CYP11A1: variants seen among roughly 807,000 people sequenced by gnomAD.
CYP11A1 encodes cytochrome P450 family 11 subfamily A member 1.
In CYP11A1, 25 loss-of-function variants were observed where a neutral mutation model predicts 51.9. The observed-to-expected ratio is 0.48, with a 90% confidence interval of 0.35 to 0.67. CYP11A1 has a LOEUF of 0.67. CYP11A1 is among the 30% of genes least tolerant of loss of function. The probability of loss-of-function intolerance (pLI) is 0.00; values close to 1 mark genes in which losing one functional copy is unlikely to be tolerated. For synonymous variants in CYP11A1, 245 were observed against 262.1 expected (o/e 0.93, Z 0.63); for missense variants, 578 against 680.9 (o/e 0.85, Z 1.68).
At chr15:74,366,024 C>T (rs1160498449) in intron 1 of CYP11A1, 1 of 985,966 alleles carries the variant, frequency 1.0e-6, no homozygotes, top group Non-Finnish European at 1.2e-6. Context: ...GCCTGGACCT[C>T]GCCCTGAGGT....
Position 74,348,167 on chromosome 15 carries a change from G to T in CYP11A1, c.270-112C>A, listed in dbSNP as rs924715678. On this transcript the variant is annotated intron_variant, in intron 1 of 8. Coordinates refer to ENST00000268053, the MANE Select transcript of CYP11A1 (RefSeq NM_000781.3). The stretch of plus-strand genomic sequence containing the variant: ...ACTTGCTGACTGTGGGACCTGAGTC[G>T]AGGCCCTTAACCCCTCTGAGTCTCA... 3.2e-6 allele frequency: 4 copies of T among 1,261,082 alleles called. No individual in the cohort carries two copies. In the East Asian group the frequency reaches 7.6e-5, roughly 24 times the overall value. The allele number at this position is 1,261,082 out of a possible 1,614,324, so 78.1% of individuals were successfully genotyped here.
intron 1 of CYP11A1, among the ~76,000 whole-genome samples, chr15:74,357,988 C>T (rs139014959): frequency 0.022 from 3,341 of 152,310 alleles, 89 homozygotes; most frequent in African/African-American, 0.066. Context: ...ATGAATTACA[C>T]GTCAATATTT....
At chr15:74,347,179 C>T (rs374042999) in intron 2 of CYP11A1, among the ~76,000 whole-genome samples, 10 of 151,868 alleles carry the variant, frequency 6.6e-5, no homozygotes, top group African/African-American at 1.9e-4. Context: ...AAGGCTGAAG[C>T]GGGAAGATTG....
At chr15:74,344,914 G>T (rs2141235065) in intron 3 of CYP11A1, 130 bp downstream of exon 3, 1 of 893,350 alleles carries the variant, frequency 1.1e-6, no homozygotes, top group Non-Finnish European at 1.8e-6. Flanking sequence ...TGGAGGACAT[G>T]ATCAGCGGCT....
intron 5 of CYP11A1, among the ~76,000 whole-genome samples, 160 bp downstream of exon 5, chr15:74,342,817 T>G (rs1471029493): frequency 1.3e-5 from 2 of 152,148 alleles, no homozygotes; most frequent in Non-Finnish European, 2.9e-5. Flanking sequence ...CCCCACCATC[T>G]TAGGAGATTA....
intron 5 of CYP11A1, among the ~76,000 whole-genome samples, chr15:74,342,454 G>A (rs2060611490): frequency 6.6e-6 from 1 of 152,184 alleles, no homozygotes; most frequent in Non-Finnish European, 1.5e-5. Flanking sequence ...GAGCACTGGG[G>A]ATGCCTCTGG....
At chr15:74,357,714 A>T (rs1596166146) in intron 1 of CYP11A1, among the ~76,000 whole-genome samples, 2 of 152,300 alleles carry the variant, frequency 1.3e-5, no homozygotes, top group Non-Finnish European at 2.9e-5. Flanking sequence ...AAGAGCCAGG[A>T]CCGCGCCCGG....
intron 1 of CYP11A1, chr15:74,366,144 A>T (rs2060731978): frequency 1.0e-6 from 1 of 985,380 alleles, no homozygotes; most frequent in South Asian, 4.7e-5. Flanking sequence ...GCTAGGGCGG[A>T]CCCAATTTCG....
chr15:74,366,042 G>C, intron 1 of CYP11A1: 1 of 985,824 alleles, frequency 1.0e-6, no homozygotes, highest in Non-Finnish European at 1.2e-6. Context: ...GGTAAACGCG[G>C]GTCGACCCGG....
intron 1 of CYP11A1, among the ~76,000 whole-genome samples, chr15:74,355,674 C>T (rs909026734): frequency 1.3e-5 from 2 of 152,202 alleles, no homozygotes; most frequent in Non-Finnish European, 2.9e-5. Context: ...GTCCAGCTTA[C>T]AGTTTCGTTC....
intron 1 of CYP11A1, among the ~76,000 whole-genome samples, chr15:74,357,389 C>T (rs760832733): frequency 6.6e-5 from 10 of 152,200 alleles, no homozygotes; most frequent in Admixed American, 1.3e-4. Context: ...CACACATGCT[C>T]TCCCTGCTGA....
intron 1 of CYP11A1, chr15:74,362,116 C>G (rs1206807101): frequency 1.1e-6 from 1 of 905,864 alleles, no homozygotes; most frequent in Non-Finnish European, 1.7e-6. Flanking sequence ...CCCTCCACCC[C>G]ATTTGCTCGC....
chr15:74,343,698 C>T, intron 4 of CYP11A1, 91 bp downstream of exon 4: 1 of 1,195,134 alleles, frequency 8.4e-7, no homozygotes, highest in Non-Finnish European at 1.2e-6. Flanking sequence ...TCCTACAGGT[C>T]AAGTCAGCGC....
At chr15:74,343,182 C>T (rs745816678) in intron 4 of CYP11A1, 45 bp from the exon 5 acceptor site, 43 of 1,607,564 alleles carry the variant, frequency 2.7e-5, no homozygotes, top group Admixed American at 1.8e-4. Context: ...TCCCTGCAGG[C>T]GGGTGGGAAG....
intron 1 of CYP11A1, chr15:74,361,592 C>T (rs1329969429): frequency 1.3e-5 from 13 of 1,023,678 alleles, no homozygotes; most frequent in Admixed American, 1.8e-5. Context: ...GCAGTCACGG[C>T]GAGCCCTTGG....
intron 1 of CYP11A1, chr15:74,362,185 A>C (rs2060711949): frequency 1.7e-6 from 1 of 580,558 alleles, no homozygotes; most frequent in Non-Finnish European, 3.1e-6. Context: ...GCTGGACTGC[A>C]GAGTTGAGTT....
chr15:74,343,725 G>T, intron 4 of CYP11A1, 64 bp downstream of exon 4: 2 of 1,438,298 alleles, frequency 1.4e-6, no homozygotes, highest in Non-Finnish European at 2.0e-6. Context: ...ACATAGCGTG[G>T]GACAAAGGAG....
Position 74,367,561 on chromosome 15 carries a change from G to T in CYP11A1, c.25C>A (p.Arg9Ser), listed in dbSNP as rs573648284. The T allele has an allele frequency of 3.7e-6, 6 of 1,614,076 alleles. No individual in the cohort carries two copies. The highest frequency in any genetic ancestry group is 4.2e-6 in the Non-Finnish European group (5 of 1,180,010). Residue 9 changes from arginine (R) to serine (S), a missense_variant, in exon 1 of 9, where the codon CGC becomes AGC. By Grantham distance (110) the Arg-to-Ser change is moderately radical. Transcript: ENST00000268053. ...TGGCAGCCTTTGACCAGGACTGAGC[G>T]TGGGGGAAGACCCTTGGCCAGCATG... MLAKGLPP[R>S]SVLVKGCQTF...
intron 1 of CYP11A1, chr15:74,361,814 C>T: frequency 8.4e-7 from 1 of 1,191,982 alleles, no homozygotes; most frequent in Non-Finnish European, 1.3e-6. Context: ...ATGAGAACTT[C>T]ATCCTAAGGC....
Sources: allele counts gnomAD v4.1 joint callset (sites outside exome capture counted in the v4.1 genomes callset), GRCh38; gene constraint gnomAD v4.1.1; transcripts MANE v1.5; gene names NCBI Gene and HGNC (gene_info 2026-07-23, HGNC 2026-07-21).